CHST9: variants seen among roughly 807,000 people sequenced by gnomAD.
CHST9 encodes the protein GalNAc-4-sulfotransferase 2.
CHST9 carries 41 observed loss-of-function variants against 44.4 expected under a neutral mutation model. That is an observed-to-expected ratio of 0.92 (90% CI 0.72 to 1.20). CHST9 has a LOEUF of 1.20. CHST9 is among the 50% of genes most tolerant of loss of function. CHST9 has a pLI of 0.00. For missense variants in CHST9, 504 were observed against 516.5 expected (o/e 0.98, Z 0.23); for synonymous variants, 171 against 178.4 (o/e 0.96, Z 0.33).
At position 26,909,449 on chromosome 18, in the gene CHST9, A is replaced by G. The variant is rs2055411013; in HGVS notation, c.*6810T>C. ...TAACAAAAATTAGGTTAATTCTGAT[A>G]CAGGTCGTCCATACACTATTTTTTT... On this transcript the variant is annotated 3_prime_UTR_variant, in exon 6 of 6. Coordinates refer to ENST00000618847, the MANE Select transcript of CHST9 (RefSeq NM_031422.6). 1 of 152,160 alleles carries G rather than the reference A, an allele frequency of 6.6e-6. No homozygotes were observed. The highest frequency in any genetic ancestry group is 1.5e-5 in the Non-Finnish European group (1 of 68,030). 9.4% of individuals were successfully genotyped at this position (152,160 alleles called of 1,614,324 possible).
chr18:27,150,825 G>A (rs553055562), intron 1 of CHST9, among the ~76,000 whole-genome samples: 1 of 152,290 alleles, frequency 6.6e-6, no homozygotes, highest in African/African-American at 2.4e-5. Flanking sequence ...AACAGAATGT[G>A]ATGGTCTTTT....
rs189327084 is a variant in CHST9, at chr18:27,112,759, T to A, written c.121+29930A>T. Among the ~76,000 whole-genome samples the A allele has an allele frequency of 2.6e-3, 398 of 151,718 alleles. 2 individuals carry two copies. The highest frequency in any genetic ancestry group is 0.014 in the Middle Eastern group (4 of 292). ...TCATGCAGTCAAGAAGCAAAAAAAA[T>A]AAAAATAAAAATGCTTAGAGTACAT... On this transcript the variant is annotated intron_variant, in intron 2 of 5. Transcript: ENST00000618847.
At chr18:27,112,057 T>C (rs920466511) in intron 2 of CHST9, among the ~76,000 whole-genome samples, 7 of 150,090 alleles carry the variant, frequency 4.7e-5, no homozygotes, top group Non-Finnish European at 7.4e-5. Flanking sequence ...TCTAAAAATA[T>C]ACATATAGAT....
chr18:26,966,982 G>A (rs77561636), intron 4 of CHST9, among the ~76,000 whole-genome samples: 2,315 of 152,064 alleles, frequency 0.015, 69 homozygotes, highest in African/African-American at 0.053. Flanking sequence ...GTTGGCCTGG[G>A]GACTTGTCAT....
intron 2 of CHST9, among the ~76,000 whole-genome samples, chr18:27,078,078 C>T (rs1402873161): frequency 6.6e-6 from 1 of 152,190 alleles, no homozygotes; most frequent in African/African-American, 2.4e-5. Context: ...AATCACCTCC[C>T]ACCAGGTCCC....
At chr18:27,015,497 C>T (rs1417174365) in intron 4 of CHST9, among the ~76,000 whole-genome samples, 1 of 152,102 alleles carries the variant, frequency 6.6e-6, no homozygotes, top group East Asian at 1.9e-4. Flanking sequence ...CATCCATCTG[C>T]CTGCCCCCAG....
chr18:27,112,919 A>G (rs1242372913), intron 2 of CHST9, among the ~76,000 whole-genome samples: 1 of 151,954 alleles, frequency 6.6e-6, no homozygotes, highest in African/African-American at 2.4e-5. Context: ...GCCGGGCCCG[A>G]TGGCTCACGC....
rs2055378557 is a variant in CHST9 at position 26,906,871 on chromosome 18, G to A, written c.*9388C>T. ...CCCTAATAGAGGGACAAGCTGAGTA[G>A]ACCCAGGAGGAAGAAAACTATCCAA... On this transcript the variant is annotated 3_prime_UTR_variant, in exon 6 of 6. Coordinates refer to ENST00000618847, the MANE Select transcript of CHST9 (RefSeq NM_031422.6). 1 of 152,206 alleles carries A rather than the reference G, an allele frequency of 6.6e-6. No homozygotes were observed. Among genetic ancestry groups the A allele is most frequent in the Non-Finnish European group, 1.5e-5 (1 of 68,058 alleles). 9.4% of individuals were successfully genotyped at this position (152,206 alleles called of 1,614,324 possible). A position where few individuals can be genotyped will look rare whatever the true frequency, so the allele number is the denominator to read the frequency against.
At chr18:26,968,190 A>C (rs1363153914) in intron 4 of CHST9, among the ~76,000 whole-genome samples, 1 of 152,120 alleles carries the variant, frequency 6.6e-6, no homozygotes, top group Non-Finnish European at 1.5e-5. Context: ...CATTTGTTCT[A>C]TCCCTCCAGA....
At chr18:27,047,728 A>G (rs1315568594) in intron 3 of CHST9, among the ~76,000 whole-genome samples, 3 of 152,030 alleles carry the variant, frequency 2.0e-5, no homozygotes, top group Admixed American at 1.3e-4. Context: ...GGTTGGTAGA[A>G]ACTTGGGAAG....
intron 2 of CHST9, among the ~76,000 whole-genome samples, chr18:27,106,872 T>C (rs967690571): frequency 6.6e-6 from 1 of 152,208 alleles, no homozygotes; most frequent in Non-Finnish European, 1.5e-5. Flanking sequence ...CCTAGATCTT[T>C]TTCATCAATA....
At chr18:26,982,339 CTTTT>C (rs34211889) in intron 4 of CHST9, among the ~76,000 whole-genome samples, 9 of 133,706 alleles carry the variant, frequency 6.7e-5, no homozygotes, top group Non-Finnish European at 8.1e-5. Flanking sequence ...CTCCTTTTAC[CTTTT>C]TTTTTTTTTT....
intron 4 of CHST9, among the ~76,000 whole-genome samples, chr18:27,005,484 T>C (rs1462997561): frequency 6.6e-6 from 1 of 152,154 alleles, no homozygotes; most frequent in East Asian, 1.9e-4. Flanking sequence ...ATTTTTAGAT[T>C]CTCTTTAGAT....
rs1013567016 is a variant in CHST9 at position 26,906,994 on chromosome 18, A to T, written c.*9265T>A. 22 of 152,410 alleles carry T rather than the reference A, an allele frequency of 1.4e-4. No individual in the cohort carries two copies. Among genetic ancestry groups the T allele is most frequent in the African/African-American group, 4.8e-4 (20 of 41,556 alleles). The allele number at this position is 152,410 out of a possible 1,614,324, so 9.4% of individuals were successfully genotyped here. ...TGGAGAAGAATTGGGATCATGCAGG[A>T]TATAGAATGTATAGTGGGAAACAGA... On this transcript the variant is annotated 3_prime_UTR_variant, in exon 6 of 6. Transcript: ENST00000618847.
intron 4 of CHST9, among the ~76,000 whole-genome samples, chr18:27,015,539 C>T (rs1350462332): frequency 6.6e-6 from 1 of 152,130 alleles, no homozygotes; most frequent in Non-Finnish European, 1.5e-5. Flanking sequence ...ACACAGACCC[C>T]TGCCTCTCCT....
At chr18:26,936,476 G>A (rs1051369791) in intron 5 of CHST9, 4 of 152,092 alleles carry the variant, frequency 2.6e-5, no homozygotes, top group Non-Finnish European at 5.9e-5. Flanking sequence ...GGGCTCTGTG[G>A]CTCATATTGA....
At chr18:26,997,707 G>A (rs1215011377) in intron 4 of CHST9, among the ~76,000 whole-genome samples, 4 of 152,144 alleles carry the variant, frequency 2.6e-5, no homozygotes, top group East Asian at 1.9e-4. Flanking sequence ...CTCCAACTGC[G>A]AATCACTTTC....
At position 26,915,044 on chromosome 18, in the gene CHST9, C is replaced by T; in HGVS notation, c.*1215G>A. 5.0e-6 allele frequency: 2 copies of T among 397,516 alleles called. No homozygotes were observed. 24.6% of individuals were successfully genotyped at this position (397,516 alleles called of 1,614,324 possible). A position where few individuals can be genotyped will look rare whatever the true frequency, so the allele number is the denominator to read the frequency against. ...AATTCCAAAATGCATTACAACTATTCATAAGGGTGACACATGGACCTATTT... is the reference window on the plus strand; with the variant it reads ...AATTCCAAAATGCATTACAACTATTTATAAGGGTGACACATGGACCTATTT... On this transcript the variant is annotated 3_prime_UTR_variant, in exon 6 of 6. Transcript: ENST00000618847.
chr18:27,024,664 T>G (rs926143946), intron 3 of CHST9, among the ~76,000 whole-genome samples: 3 of 152,242 alleles, frequency 2.0e-5, no homozygotes, highest in African/African-American at 4.8e-5. Context: ...GACCCACTAT[T>G]GGATGCCTTA....
Sources: allele counts gnomAD v4.1 joint callset (sites outside exome capture counted in the v4.1 genomes callset), GRCh38; gene constraint gnomAD v4.1.1; transcripts MANE v1.5; gene names NCBI Gene and HGNC (gene_info 2026-07-23, HGNC 2026-07-21).